RPS6KC1: variants seen among roughly 807,000 people sequenced by gnomAD.
The protein encoded by RPS6KC1 is ribosomal protein S6 kinase C1.
In RPS6KC1, 54 loss-of-function variants were observed where a neutral mutation model predicts 103.8. That is an observed-to-expected ratio of 0.52 (90% confidence interval 0.42 to 0.65). RPS6KC1 has a LOEUF of 0.65. RPS6KC1 is among the 30% of genes least tolerant of loss of function. The pLI, the probability that RPS6KC1 is intolerant of heterozygous loss-of-function variation, is 0.00. For missense variants in RPS6KC1, 1,151 were observed against 1,253.8 expected (o/e 0.92, Z 1.24); for synonymous variants, 439 against 438.7 (o/e 1.00, Z -0.01).
chr1:213,343,642 G>A, the RPS6KC1 span, among the ~76,000 whole-genome samples: 4 of 150,966 alleles, frequency 2.6e-5, no homozygotes, highest in Admixed American at 6.6e-5. Context: ...CTGGGCACTC[G>A]GGGAAAGGGT....
intron 6 of RPS6KC1, among the ~76,000 whole-genome samples, chr1:213,163,170 T>C (rs1001135858): frequency 6.6e-6 from 1 of 152,194 alleles, no homozygotes; most frequent in African/African-American, 2.4e-5. Context: ...GTGTGAGTTT[T>C]CTTTTATGTG....
At chr1:213,134,202 T>C (rs1436185436) in intron 6 of RPS6KC1, among the ~76,000 whole-genome samples, 1 of 152,142 alleles carries the variant, frequency 6.6e-6, no homozygotes, top group Non-Finnish European at 1.5e-5. Context: ...GTTGAAAATA[T>C]CTGGTAGATT....
chr1:213,827,889 TA>T, the RPS6KC1 span, among the ~76,000 whole-genome samples: 1 of 152,176 alleles, frequency 6.6e-6, no homozygotes, highest in East Asian at 1.9e-4. Flanking sequence ...TCAATATTTT[TA>T]TTTTTACTGG....
intron 5 of RPS6KC1, among the ~76,000 whole-genome samples, chr1:213,124,400 T>C (rs13376276): frequency 0.036 from 5,541 of 152,238 alleles, 309 homozygotes; most frequent in African/African-American, 0.13. Flanking sequence ...TTATCCACAA[T>C]GTCCTTCCTA....
Position 213,117,311 on chromosome 1 carries a change from C to T in RPS6KC1, c.379-6C>T. ...TAATGAAACACAATTGCTCTTATCTCTTTAGGGTGGAATAATTAATGATAG... is the reference window on the plus strand; with the variant it reads ...TAATGAAACACAATTGCTCTTATCTTTTTAGGGTGGAATAATTAATGATAG... On this transcript the variant is annotated splice_region_variant and splice_polypyrimidine_tract_variant and intron_variant, in intron 4 of 14. Transcript: ENST00000366960. 6.4e-7 allele frequency: 1 copy of T among 1,565,598 alleles called. No individual in the cohort carries two copies. Among genetic ancestry groups the T allele is most frequent in the Non-Finnish European group, 8.8e-7 (1 of 1,139,922 alleles).
chr1:213,536,203 T>C, the RPS6KC1 span, among the ~76,000 whole-genome samples: 1 of 152,242 alleles, frequency 6.6e-6, no homozygotes, highest in African/African-American at 2.4e-5. Context: ...TTCAGGTCTG[T>C]TTATGCTGCA....
At chr1:213,055,474 G>A (rs1048356237) in intron 1 of RPS6KC1, among the ~76,000 whole-genome samples, 1 of 152,092 alleles carries the variant, frequency 6.6e-6, no homozygotes, top group Non-Finnish European at 1.5e-5. Flanking sequence ...TTTATCTGAT[G>A]GATATTTGGG....
the RPS6KC1 span, chr1:213,822,340 C>T: frequency 2.0e-5 from 3 of 152,114 alleles, no homozygotes; most frequent in African/African-American, 7.2e-5. Context: ...AATCTCTTCT[C>T]TATCTATTCC....
intron 5 of RPS6KC1, among the ~76,000 whole-genome samples, chr1:213,120,103 T>C (rs968348804): frequency 6.6e-6 from 1 of 152,146 alleles, no homozygotes; most frequent in Non-Finnish European, 1.5e-5. Flanking sequence ...ATGAGAGAAA[T>C]TGGGGCTAAC....
chr1:213,096,462 G>A (rs901485945), intron 3 of RPS6KC1, among the ~76,000 whole-genome samples: 2 of 152,046 alleles, frequency 1.3e-5, no homozygotes, highest in African/African-American at 4.8e-5. Flanking sequence ...GGCAGGGTGG[G>A]TGGATCACTT....
At chr1:213,298,080 T>C in the RPS6KC1 span, among the ~76,000 whole-genome samples, 2 of 152,248 alleles carry the variant, frequency 1.3e-5, no homozygotes, top group African/African-American at 4.8e-5. Flanking sequence ...GAGGTTCAAC[T>C]TGGGGGCATC....
rs202140527 is a variant in RPS6KC1, at chr1:213,147,207, AT to A, written c.835+17321del. ...AAGCTTTTTAACTTGATGTGATGCCATTTGTCCATTTTTTGCTTTGATTGCT... is the reference window on the plus strand; with the variant it reads ...AAGCTTTTTAACTTGATGTGATGCCATTGTCCATTTTTTGCTTTGATTGCT... On this transcript the variant is annotated intron_variant, in intron 6 of 14. Coordinates refer to ENST00000366960, the MANE Select transcript of RPS6KC1 (RefSeq NM_012424.6). Among the ~76,000 whole-genome samples the A allele has an allele frequency of 9.2e-3, 1,397 of 152,096 alleles. 40 individuals are homozygous for A. Among genetic ancestry groups the A allele is most frequent in the East Asian group, 0.069 (357 of 5,168 alleles).
intron 1 of RPS6KC1, among the ~76,000 whole-genome samples, chr1:213,067,407 A>G (rs911765719): frequency 2.0e-5 from 3 of 152,334 alleles, no homozygotes; most frequent in South Asian, 4.1e-4. Flanking sequence ...GTCAGTTTCC[A>G]TGTTTATCCA....
chr1:213,830,681 A>G, the RPS6KC1 span, among the ~76,000 whole-genome samples: 1 of 152,058 alleles, frequency 6.6e-6, no homozygotes, highest in South Asian at 2.1e-4. Flanking sequence ...TTAAAAAAAA[A>G]AAAAAAAAAA....
At chr1:213,491,723 G>A in the RPS6KC1 span, among the ~76,000 whole-genome samples, 5 of 152,130 alleles carry the variant, frequency 3.3e-5, no homozygotes, top group South Asian at 2.1e-4. Context: ...CACCCTGTAC[G>A]GCAGACACAC....
At chr1:213,466,521 C>T in the RPS6KC1 span, among the ~76,000 whole-genome samples, 4 of 152,086 alleles carry the variant, frequency 2.6e-5, no homozygotes, top group Admixed American at 2.6e-4. Flanking sequence ...GTTAAGCTGG[C>T]AACAGAATGG....
intron 6 of RPS6KC1, among the ~76,000 whole-genome samples, chr1:213,158,019 A>G (rs1370736706): frequency 2.0e-5 from 3 of 151,818 alleles, no homozygotes; most frequent in Admixed American, 6.6e-5. Flanking sequence ...GTATGTTTCC[A>G]TTTTTTTATT....
At chr1:213,710,685 CAGG>C in the RPS6KC1 span, among the ~76,000 whole-genome samples, 7 of 152,234 alleles carry the variant, frequency 4.6e-5, no homozygotes, top group South Asian at 1.5e-3. Context: ...GTGCTTCCTT[CAGG>C]AGTTGTTGTA....
the RPS6KC1 span, among the ~76,000 whole-genome samples, chr1:213,654,909 A>G: frequency 7.2e-5 from 11 of 152,208 alleles, no homozygotes; most frequent in Admixed American, 2.0e-4. Flanking sequence ...TTTTCACCCA[A>G]TGAGTAAACT....
Sources: gnomAD v4.1 joint callset for allele counts (sites outside exome capture counted in the v4.1 genomes callset) on GRCh38, gnomAD v4.1.1 for gene constraint, MANE v1.5 for transcripts, NCBI Gene and HGNC (gene_info 2026-07-23, HGNC 2026-07-21) for gene names.